MFSD12: variants seen among roughly 807,000 people sequenced by gnomAD.
MFSD12 encodes major facilitator superfamily domain containing 12.
MFSD12 carries 67 observed loss-of-function variants against 51.2 expected under a neutral mutation model. The ratio of observed to expected loss-of-function variants is 1.31; its 90% confidence interval spans 1.08 to 1.60. MFSD12 has a LOEUF of 1.60. Among genes scored for constraint, MFSD12 ranks in the 40% most tolerant of loss-of-function variants. The pLI is 0.00. For missense variants in MFSD12, 921 were observed against 673.0 expected (o/e 1.37, Z -4.08); for synonymous variants, 441 against 316.7 (o/e 1.39, Z -4.17).
downstream of MFSD12, chr19:3,543,172 G>A (rs938419839): frequency 1.1e-5 from 16 of 1,521,326 alleles, no homozygotes; most frequent in Non-Finnish European, 7.9e-6. Context: ...GGCAGACATC[G>A]CAAAGGGGTC....
downstream of MFSD12, chr19:3,539,539 G>A: frequency 6.3e-6 from 3 of 474,924 alleles, no homozygotes; most frequent in East Asian, 3.2e-5. Flanking sequence ...AGAAATGTTC[G>A]CCCTCTGAAA....
chr19:3,538,725 G>T (rs1023762594), exon 5 of MFSD12: 1 of 477,742 alleles, frequency 2.1e-6, no homozygotes, highest in African/African-American at 2.0e-5. Context: ...CACAAATCGT[G>T]CTGCTGTGAG....
At chr19:3,550,622 C>A (rs1169948372) in intron 2 of MFSD12, among the ~76,000 whole-genome samples, 1 of 152,128 alleles carries the variant, frequency 6.6e-6, no homozygotes, top group East Asian at 1.9e-4. Flanking sequence ...GATCTCCTGA[C>A]CTCGTGATCT....
chr19:3,555,826 C>T (rs184156050), intron 1 of MFSD12, among the ~76,000 whole-genome samples: 78 of 152,340 alleles, frequency 5.1e-4, no homozygotes, highest in African/African-American at 1.8e-3. Flanking sequence ...AATGCCAGGA[C>T]GCAGCCGGCA....
At chr19:3,543,965 C>T (rs1039917724), downstream of MFSD12, 14 of 1,550,038 alleles carry the variant, frequency 9.0e-6, no homozygotes, top group African/African-American at 2.7e-5. Flanking sequence ...ACTGCCCCTC[C>T]ACCTGCCAGC....
In MFSD12 at chr19:3,544,876, G is replaced by T; in HGVS notation, c.1353C>A (p.Gly451=). 6.2e-7 allele frequency: 1 copy of T among 1,610,970 alleles called. No homozygotes were observed. The highest frequency in any genetic ancestry group is 1.3e-5 in the African/African-American group (1 of 74,974). The part of the protein sequence containing the change: ...FYHWAMVAVT[G]GVGVAAALCL... ...ACAGGGCAGCGGCCACGCCCACGCC[G>T]CCCGTCACAGCCACCATCGCCCAGT... The change falls in exon 9 of 10, where the codon GGC becomes GGA. Residue 451 remains glycine (G), a synonymous_variant. Transcript: ENST00000355415.
At position 3,551,152 on chromosome 19, in the gene MFSD12, G is replaced by C; in HGVS notation, c.341C>G (p.Pro114Arg). ...CGTGGCCGCCCCACAGCCCAGGCAG[G>C]GGCTGAAGATGAAGGGGAAGGACAG... ...VLLSFPFIFSPCLGCGAATPE... is the reference protein window; with the variant it reads ...VLLSFPFIFSRCLGCGAATPE... Residue 114 changes from proline to arginine, a missense_variant, in exon 2 of 10, where the codon CCC becomes CGC. Transcript: ENST00000355415. The surrounding 1 kb of genome is among the most constrained non-coding windows in gnomAD (Gnocchi z 4.6). 1.9e-6 allele frequency: 3 copies of C among 1,612,472 alleles called. No individual in the cohort carries two copies. The highest frequency in any genetic ancestry group is 2.5e-6 in the Non-Finnish European group (3 of 1,179,766).
At chr19:3,538,432 C>G (rs1040870315) in exon 5 of MFSD12, 1 of 315,930 alleles carries the variant, frequency 3.2e-6, no homozygotes, top group Non-Finnish European at 6.3e-6. Context: ...ATTATGTCAC[C>G]TAGTCACCCC....
chr19:3,544,012 G>A, downstream of MFSD12: 1 of 1,534,334 alleles, frequency 6.5e-7, no homozygotes, highest in Non-Finnish European at 8.8e-7. Context: ...CCCCGATAAA[G>A]GCATGCTACC....
downstream of MFSD12, chr19:3,543,226 C>G (rs1487717075): frequency 6.5e-7 from 1 of 1,541,144 alleles, no homozygotes; most frequent in South Asian, 1.2e-5. Context: ...GCCCCCTGCC[C>G]ACCCTCAGCG....
At chr19:3,542,257 C>G (rs1005403770), downstream of MFSD12, 6 of 985,258 alleles carry the variant, frequency 6.1e-6, no homozygotes, top group Non-Finnish European at 7.2e-6. Context: ...CTGTAACTGA[C>G]CAGGCTACTC....
Position 3,548,234 on chromosome 19 carries a change from G to C in MFSD12, c.543C>G (p.Val181=), listed in dbSNP as rs765658698. ...YAFTVVANIT[V]YGAAWLLLHL... ...GCAGCAGGAGCCAGGCGGCGCCGTA[G>C]ACGGTGATGTTGGCCACCACGGTGA... Residue 181 remains valine (V), a synonymous_variant, in exon 3 of 10, where the codon GTC becomes GTG. Transcript: ENST00000355415. The C allele has an allele frequency of 1.3e-6, 2 of 1,551,896 alleles. No individual in the cohort carries two copies. Among genetic ancestry groups the C allele is most frequent in the South Asian group, 1.2e-5 (1 of 84,562 alleles).
downstream of MFSD12, chr19:3,542,860 A>AG (rs770103365): frequency 9.4e-6 from 13 of 1,384,674 alleles, no homozygotes; most frequent in South Asian, 1.4e-4. Flanking sequence ...CCTCCAGGCC[A>AG]GGGGGGCTTC....
At chr19:3,553,491 G>A (rs1480587939) in intron 1 of MFSD12, among the ~76,000 whole-genome samples, 8 of 146,598 alleles carry the variant, frequency 5.5e-5, no homozygotes, top group South Asian at 2.1e-4. Flanking sequence ...AAAAAAGGCC[G>A]GGCGCGGTGG....
chr19:3,544,975 G>A (rs768676743), intron 8 of MFSD12, 36 bp from the exon 9 acceptor site: 5 of 1,568,330 alleles, frequency 3.2e-6, no homozygotes, highest in East Asian at 4.7e-5. Context: ...AGGCACCGCG[G>A]GTACCACCCC....
chr19:3,554,292 C>T (rs1599841290), intron 1 of MFSD12, among the ~76,000 whole-genome samples: 1 of 151,436 alleles, frequency 6.6e-6, no homozygotes. Flanking sequence ...TAAAAATTAG[C>T]CGGCTTTGGT....
chr19:3,543,711 A>C, downstream of MFSD12: 2 of 1,503,048 alleles, frequency 1.3e-6, no homozygotes, highest in Non-Finnish European at 1.8e-6. Context: ...GGTCCTTGGG[A>C]GGCCAGGGGG....
At position 3,544,795 on chromosome 19, in the gene MFSD12, G is replaced by C. The variant is rs201375603; in HGVS notation, c.1420+14C>G. ...GGTCAGTGTCTGGGGAGGGAGGGGT[G>C]GGCCAGGACTCACAGCGTCGCAGGC... is the stretch of plus-strand genomic sequence containing the variant. On this transcript the variant is annotated intron_variant, in intron 9 of 9. Transcript: ENST00000355415. The C allele has an allele frequency of 6.2e-7, 1 of 1,610,118 alleles. No individual in the cohort carries two copies. The highest frequency in any genetic ancestry group is 2.2e-5 in the East Asian group (1 of 44,792).
intron 1 of MFSD12, among the ~76,000 whole-genome samples, chr19:3,554,587 T>C (rs1310202017): frequency 1.3e-5 from 2 of 152,220 alleles, no homozygotes; most frequent in African/African-American, 4.8e-5. Context: ...GGACTGTTCC[T>C]ACCTTTTCCA....
Sources: gnomAD v4.1 joint callset for allele counts (sites outside exome capture counted in the v4.1 genomes callset) on GRCh38, gnomAD v4.1.1 for gene constraint, Gnocchi (gnomAD v3.1) non-coding constraint, MANE v1.5 for transcripts, NCBI Gene and HGNC (gene_info 2026-07-23, HGNC 2026-07-21) for gene names.